Variants in C7orf78 observed in about 807,000 individuals in gnomAD.
C7orf78 encodes chromosome 7 open reading frame 78, also known as putative uncharacterized protein C7orf78.
At chr7:12,509,145 T>C in the C7orf78 span, among the ~76,000 whole-genome samples, 5 of 152,314 alleles carry the variant, frequency 3.3e-5, no homozygotes, top group African/African-American at 1.2e-4. Context: ...AGGATGGTAT[T>C]TCTAAGATAT....
chr7:12,490,428 A>T, the C7orf78 span, among the ~76,000 whole-genome samples: 13 of 152,296 alleles, frequency 8.5e-5, no homozygotes, highest in African/African-American at 2.4e-4. Flanking sequence ...TTTGCTATTC[A>T]TAAGGTCAAC....
chr7:12,490,301 C>T, the C7orf78 span, among the ~76,000 whole-genome samples: 1 of 151,952 alleles, frequency 6.6e-6, no homozygotes, highest in East Asian at 1.9e-4. Flanking sequence ...ATAATTATGC[C>T]CTCTGCTGGT....
At chr7:12,540,689 G>A in the C7orf78 span, among the ~76,000 whole-genome samples, 1 of 152,120 alleles carries the variant, frequency 6.6e-6, no homozygotes, top group African/African-American at 2.4e-5. Flanking sequence ...ACAGAGTATA[G>A]TTCTACTTCC....
chr7:12,519,937 C>A, the C7orf78 span, among the ~76,000 whole-genome samples: 1 of 152,180 alleles, frequency 6.6e-6, no homozygotes, highest in Non-Finnish European at 1.5e-5. Context: ...ACTTAGATCT[C>A]AGGAGTGTGT....
the C7orf78 span, among the ~76,000 whole-genome samples, chr7:12,526,797 G>A: frequency 2.6e-5 from 4 of 151,680 alleles, no homozygotes; most frequent in East Asian, 7.8e-4. Flanking sequence ...CCTAGTATAT[G>A]CTATGTGTCA....
chr7:12,540,888 TC>T, the C7orf78 span: 2 of 152,218 alleles, frequency 1.3e-5, no homozygotes, highest in African/African-American at 4.8e-5. Context: ...TTCAGTGAAT[TC>T]TGTTCACACA....
the C7orf78 span, among the ~76,000 whole-genome samples, chr7:12,502,812 A>T: frequency 7.7e-6 from 1 of 130,262 alleles, no homozygotes; most frequent in Non-Finnish European, 1.6e-5. Context: ...CATTCACAAT[A>T]GCAAAGACTT....
the C7orf78 span, among the ~76,000 whole-genome samples, chr7:12,495,016 T>C: frequency 6.6e-6 from 1 of 152,224 alleles, no homozygotes; most frequent in Non-Finnish European, 1.5e-5. Flanking sequence ...CAGTCTGTTC[T>C]GCCCGTCTTC....
chr7:12,519,708 A>AT, the C7orf78 span, among the ~76,000 whole-genome samples: 1 of 151,958 alleles, frequency 6.6e-6, no homozygotes, highest in Non-Finnish European at 1.5e-5. Context: ...GTGCTGCACC[A>AT]TTTTTTTTCC....
At chr7:12,520,315 G>C in the C7orf78 span, among the ~76,000 whole-genome samples, 1 of 152,186 alleles carries the variant, frequency 6.6e-6, no homozygotes, top group East Asian at 1.9e-4. Flanking sequence ...CCTCTAGTCA[G>C]CATCTTGAAG....
At chr7:12,518,547 A>T in the C7orf78 span, among the ~76,000 whole-genome samples, 2 of 152,120 alleles carry the variant, frequency 1.3e-5, no homozygotes, top group South Asian at 2.1e-4. Flanking sequence ...CCTAGATGGC[A>T]CATGTGAGTG....
At chr7:12,513,169 T>G in the C7orf78 span, among the ~76,000 whole-genome samples, 2 of 152,136 alleles carry the variant, frequency 1.3e-5, no homozygotes, top group Admixed American at 1.3e-4. Context: ...TTCATTTAGT[T>G]CTGCTCTTAC....
the C7orf78 span, among the ~76,000 whole-genome samples, chr7:12,502,680 C>G: frequency 6.6e-6 from 1 of 151,946 alleles, no homozygotes; most frequent in African/African-American, 2.4e-5. Flanking sequence ...TGTGGTGATT[C>G]CTCAGGGATC....
chr7:12,503,631 T>G, the C7orf78 span, among the ~76,000 whole-genome samples: 12 of 152,044 alleles, frequency 7.9e-5, no homozygotes, highest in Non-Finnish European at 1.6e-4. Flanking sequence ...AATTATACTT[T>G]AAGTTTTAGG....
the C7orf78 span, among the ~76,000 whole-genome samples, chr7:12,494,405 A>C: frequency 6.6e-6 from 1 of 152,180 alleles, no homozygotes; most frequent in Admixed American, 6.5e-5. Context: ...TGTGACTTGA[A>C]CATAGATAAT....
the C7orf78 span, among the ~76,000 whole-genome samples, chr7:12,513,136 T>G: frequency 6.6e-6 from 1 of 152,046 alleles, no homozygotes; most frequent in Non-Finnish European, 1.5e-5. Flanking sequence ...TCATTGATTC[T>G]CTGTATTTCT....
chr7:12,500,761 G>A, the C7orf78 span, among the ~76,000 whole-genome samples: 1 of 150,898 alleles, frequency 6.6e-6, no homozygotes, highest in African/African-American at 2.5e-5. Context: ...ACCAAAGCCG[G>A]GCAGAGACAC....
the C7orf78 span, among the ~76,000 whole-genome samples, chr7:12,498,101 G>C: frequency 4.6e-5 from 7 of 151,828 alleles, no homozygotes; most frequent in Admixed American, 2.6e-4. Flanking sequence ...CATCATCAAA[G>C]ACCAAAAGCA....
the C7orf78 span, among the ~76,000 whole-genome samples, chr7:12,520,780 G>C: frequency 7.3e-3 from 1,115 of 152,156 alleles, 17 homozygotes; most frequent in African/African-American, 0.025. Context: ...ACTTCTTCAT[G>C]GATTTTGTCT....
Sources: gnomAD v4.1 joint callset for allele counts (sites outside exome capture counted in the v4.1 genomes callset) on GRCh38, gnomAD v4.1.1 for gene constraint, MANE v1.5 for transcripts, NCBI Gene and HGNC (gene_info 2026-07-23, HGNC 2026-07-21) for gene names.